The following CORO1C variants were observed in gnomAD, a reference collection of about 807,000 sequenced individuals.
CORO1C encodes the protein coronin 1C.
In CORO1C, 14 loss-of-function variants were observed where a neutral mutation model predicts 51.2. The observed-to-expected ratio is 0.27, with a 90% CI of 0.18 to 0.43. The LOEUF (loss-of-function observed/expected upper bound fraction) is 0.43, where lower values mean the gene tolerates loss of function less well. CORO1C is among the 20% of genes least tolerant of loss of function. The pLI, the probability that CORO1C is intolerant of heterozygous loss-of-function variation, is 1.00. For synonymous variants in CORO1C, 181 were observed against 210.5 expected (o/e 0.86, Z 1.21); for missense variants, 417 against 607.8 (o/e 0.69, Z 3.30).
intron 3 of CORO1C, 114 bp from the exon 4 acceptor site, chr12:108,662,272 T>A: frequency 1.2e-6 from 1 of 858,114 alleles, no homozygotes; most frequent in Non-Finnish European, 1.9e-6. Context: ...CATAGAGTGA[T>A]ATCTGGATGA....
intron 2 of CORO1C, among the ~76,000 whole-genome samples, chr12:108,690,748 GAACAAATAAA>G (rs2034466774): frequency 6.6e-6 from 1 of 152,086 alleles, no homozygotes; most frequent in African/African-American, 2.4e-5. Flanking sequence ...TCTGGGCTGA[GAACAAATAAA>G]AACTTGGAAC....
rs1391262815 is a variant in CORO1C, at chr12:108,719,608, T to C, written c.-6+11821A>G. Among the ~76,000 whole-genome samples, 3 of 152,314 alleles carry C rather than the reference T, an allele frequency of 2.0e-5. No homozygotes were observed. The East Asian group carries it at 5.8e-4, about 29-fold the overall frequency. On this transcript the variant is annotated intron_variant, in intron 1 of 10. Coordinates refer to ENST00000261401, the MANE Select transcript of CORO1C (RefSeq NM_014325.4). ...CTCAAATGCCCTAAGGCCTGCCCTA[T>C]GATTTCTCTGGTGCTGGGCAGGGCA...
At chr12:108,680,167 GGAGA>G (rs1304713522) in intron 2 of CORO1C, among the ~76,000 whole-genome samples, 2 of 152,174 alleles carry the variant, frequency 1.3e-5, no homozygotes, top group Admixed American at 6.5e-5. Flanking sequence ...CCCAGTGAGA[GGAGA>G]GAGACATTTA....
chr12:108,672,849 C>T (rs897064024), intron 3 of CORO1C, among the ~76,000 whole-genome samples: 7 of 152,210 alleles, frequency 4.6e-5, no homozygotes, highest in South Asian at 2.1e-4. Context: ...GTAATTGTTT[C>T]GGGGCACTAT....
At chr12:108,708,834 C>T (rs1223269555) in intron 1 of CORO1C, among the ~76,000 whole-genome samples, 1 of 151,964 alleles carries the variant, frequency 6.6e-6, no homozygotes, top group Non-Finnish European at 1.5e-5. Context: ...CTCATTGCAG[C>T]CTGAAACTCC....
chr12:108,662,746 T>C (rs1224320714), intron 3 of CORO1C, among the ~76,000 whole-genome samples: 8 of 152,090 alleles, frequency 5.3e-5, no homozygotes, highest in Non-Finnish European at 1.5e-5. Flanking sequence ...TTCTATAATT[T>C]TACACTTGGA....
At chr12:108,688,363 G>A (rs914796650) in intron 2 of CORO1C, among the ~76,000 whole-genome samples, 4 of 152,262 alleles carry the variant, frequency 2.6e-5, no homozygotes, top group East Asian at 3.9e-4. Context: ...TGACAGACAC[G>A]TCTCAATAAA....
chr12:108,655,393 GTCTCCC>G (rs1458821804), intron 6 of CORO1C, among the ~76,000 whole-genome samples: 1 of 125,126 alleles, frequency 8.0e-6, no homozygotes, highest in Non-Finnish European at 1.6e-5. Flanking sequence ...TCTCCCCACG[GTCTCCC>G]TCTCCCTCTC....
Position 108,667,976 on chromosome 12 carries a change from C to T in CORO1C, c.319-5818G>A, listed in dbSNP as rs142127988. On this transcript the variant is annotated intron_variant, in intron 3 of 10. Coordinates refer to ENST00000261401, the MANE Select transcript of CORO1C (RefSeq NM_014325.4). ...GTTAAATAGTTTTATTTTTCAAATA[C>T]TGCTTTCCAGACACTGCTTCCCTAT... Among the ~76,000 whole-genome samples, 60 of 152,342 alleles carry T rather than the reference C, an allele frequency of 3.9e-4. 1 individual carries two copies. The highest frequency in any genetic ancestry group is 1.4e-3 in the African/African-American group (57 of 41,568).
At chr12:108,729,571 A>G (rs1336064231) in intron 1 of CORO1C, among the ~76,000 whole-genome samples, 1 of 152,204 alleles carries the variant, frequency 6.6e-6, no homozygotes, top group Non-Finnish European at 1.5e-5. Flanking sequence ...TTCAAGACCT[A>G]AGGTACAACA....
At chr12:108,692,230 G>C (rs2034523132) in intron 2 of CORO1C, among the ~76,000 whole-genome samples, 1 of 152,068 alleles carries the variant, frequency 6.6e-6, no homozygotes, top group Non-Finnish European at 1.5e-5. Context: ...GGTGCTCCAG[G>C]CATCAGACAA....
intron 2 of CORO1C, among the ~76,000 whole-genome samples, chr12:108,694,792 ATT>A (rs5800835): frequency 6.6e-6 from 1 of 152,128 alleles, no homozygotes; most frequent in African/African-American, 2.4e-5. Context: ...TTCTACGTAG[ATT>A]TTTTTCTTAA....
chr12:108,722,237 T>G (rs751161888), intron 1 of CORO1C, among the ~76,000 whole-genome samples: 8 of 152,242 alleles, frequency 5.3e-5, no homozygotes, highest in Non-Finnish European at 1.0e-4. Context: ...ATAAAGCCTG[T>G]AGTCATCCCA....
In CORO1C at chr12:108,726,227, C is replaced by G. The variant is rs576761092; in HGVS notation, c.-6+5202G>C. Among the ~76,000 whole-genome samples the G allele has an allele frequency of 2.4e-4, 36 of 152,118 alleles. 1 individual carries two copies. The highest frequency in any genetic ancestry group is 3.4e-3 in the Middle Eastern group (1 of 294). On this transcript the variant is annotated intron_variant, in intron 1 of 10. Transcript: ENST00000261401. ...GGTCAGGAGATCGAGATCATCCTGGCTAACACAGTGAAATCCCATCTCTAC... is the reference window on the plus strand; with the variant it reads ...GGTCAGGAGATCGAGATCATCCTGGGTAACACAGTGAAATCCCATCTCTAC...
At chr12:108,659,741 A>G (rs1012667826) in intron 4 of CORO1C, among the ~76,000 whole-genome samples, 6 of 152,230 alleles carry the variant, frequency 3.9e-5, no homozygotes, top group Non-Finnish European at 7.3e-5. Flanking sequence ...TTGGGATATT[A>G]AAGATGGTAC....
chr12:108,707,094 T>A (rs376905579), intron 1 of CORO1C, among the ~76,000 whole-genome samples: 61 of 152,244 alleles, frequency 4.0e-4, no homozygotes, highest in African/African-American at 1.4e-3. Flanking sequence ...GACTTAGCAT[T>A]GAGATGGCAA....
intron 2 of CORO1C, among the ~76,000 whole-genome samples, chr12:108,697,284 C>T (rs973613078): frequency 2.0e-5 from 3 of 152,108 alleles, no homozygotes; most frequent in Non-Finnish European, 2.9e-5. Context: ...GAGTCCCAAA[C>T]GCATCACCAA....
At chr12:108,725,055 GGACA>G (rs763942318) in intron 1 of CORO1C, among the ~76,000 whole-genome samples, 1 of 152,112 alleles carries the variant, frequency 6.6e-6, no homozygotes, top group Non-Finnish European at 1.5e-5. Flanking sequence ...TCCTTAAAAT[GGACA>G]GACAGACACA....
At chr12:108,723,429 G>A (rs751414933) in intron 1 of CORO1C, among the ~76,000 whole-genome samples, 1 of 152,244 alleles carries the variant, frequency 6.6e-6, no homozygotes, top group African/African-American at 2.4e-5. Context: ...AGGAAGGGAT[G>A]CTTGTGAATT....
Sources: allele counts gnomAD v4.1 joint callset (sites outside exome capture counted in the v4.1 genomes callset), GRCh38; gene constraint gnomAD v4.1.1; transcripts MANE v1.5; gene names NCBI Gene and HGNC (gene_info 2026-07-23, HGNC 2026-07-21).